The following FANCD2 variants were observed in gnomAD, a reference collection of about 807,000 sequenced individuals.
The protein encoded by FANCD2 is FA complementation group D2.
FANCD2 carries 131 observed loss-of-function variants against 192.3 expected under a neutral mutation model. The observed-to-expected ratio is 0.68, with a 90% CI of 0.59 to 0.79. The LOEUF is 0.79. Ranked by LOEUF, FANCD2 falls within the 30% of genes least tolerant of loss-of-function variation. FANCD2 has a pLI of 0.00. For missense variants in FANCD2, 1,508 were observed against 1,701.6 expected (o/e 0.89, Z 2.00); for synonymous variants, 524 against 612.5 (o/e 0.86, Z 2.13).
chr3:10,041,923 G>C (rs1366996973), intron 10 of FANCD2, among the ~76,000 whole-genome samples: 1 of 148,056 alleles, frequency 6.8e-6, no homozygotes, highest in Non-Finnish European at 1.5e-5. Flanking sequence ...TTTTGAGACG[G>C]AGTATCACTC....
At chr3:10,053,167 G>T (rs1485824584) in intron 18 of FANCD2, among the ~76,000 whole-genome samples, 1 of 128,462 alleles carries the variant, frequency 7.8e-6, no homozygotes, top group Non-Finnish European at 1.8e-5. Flanking sequence ...AGAAAATGTG[G>T]CACATATACA....
Position 10,101,323 on chromosome 3 carries a change from G to C in FANCD2, c.*61G>C. On this transcript the variant is annotated 3_prime_UTR_variant, in exon 44 of 44. Transcript: ENST00000675286. ...GCCAGCCTGTGATCATTTTGTGTTA[G>C]AGTTTGAAATCCGCTGTTTGCCTTT... The C allele has an allele frequency of 8.4e-7, 1 of 1,197,560 alleles. No individual in the cohort carries two copies. Among genetic ancestry groups the C allele is most frequent in the Non-Finnish European group, 1.2e-6 (1 of 815,644 alleles). 74.2% of individuals were successfully genotyped at this position (1,197,560 alleles called of 1,614,324 possible). A position where few individuals can be genotyped will look rare whatever the true frequency, so the allele number is the denominator to read the frequency against.
chr3:10,098,608 T>TGG (rs1695119441), intron 42 of FANCD2, 112 bp from the exon 43 acceptor site: 1 of 1,372,498 alleles, frequency 7.3e-7, no homozygotes, highest in Non-Finnish European at 1.0e-6. Flanking sequence ...TTTGCTGTGT[T>TGG]TTGAATGGCT....
At chr3:10,028,518 T>C (rs546681933) in intron 1 of FANCD2, 107 bp from the exon 2 acceptor site, 97 of 738,088 alleles carry the variant, frequency 1.3e-4, no homozygotes, top group Non-Finnish European at 2.0e-4. Context: ...AATATGGAGA[T>C]GTGAGCCCCT....
Position 10,041,615 on chromosome 3 carries a change from A to C in FANCD2, c.696-8A>C. Reference sequence around the variant, plus strand: ...TATACAACTTTTTTCTTTTTCTACCATTCACAGTGACCTACTGATAGAGAA... The same window carrying C: ...TATACAACTTTTTTCTTTTTCTACCCTTCACAGTGACCTACTGATAGAGAA... On this transcript the variant is annotated splice_region_variant and splice_polypyrimidine_tract_variant and intron_variant, in intron 9 of 43. Coordinates refer to ENST00000675286, the MANE Select transcript of FANCD2 (RefSeq NM_001018115.3). 1 of 1,603,986 alleles carries C rather than the reference A, an allele frequency of 6.2e-7. No homozygotes were observed. Among genetic ancestry groups the C allele is most frequent in the Middle Eastern group, 1.7e-4 (1 of 6,050 alleles).
chr3:10,088,643 G>A (rs1051232662), intron 35 of FANCD2, 101 bp downstream of exon 35: 7 of 1,093,718 alleles, frequency 6.4e-6, no homozygotes, highest in African/African-American at 1.5e-5. Context: ...GTGGGAATTT[G>A]AAAACAATGA....
rs1007123265 is a variant in FANCD2, at chr3:10,034,034, A to G, written c.206-435A>G. Among the ~76,000 whole-genome samples, 3 of 148,074 alleles carry G rather than the reference A, an allele frequency of 2.0e-5. No individual in the cohort carries two copies. In the East Asian group the frequency reaches 6.7e-4, roughly 33 times the overall value. ...TTTATGTGGGTTTAGACACAACCCC[A>G]TGACTCTGGGCTGGGCACAGTGGCT... is the stretch of plus-strand genomic sequence containing the variant. On this transcript the variant is annotated intron_variant, in intron 3 of 43. Transcript: ENST00000675286.
At chr3:10,090,213 CT>C (rs1008087065) in intron 36 of FANCD2, 78 bp from the exon 37 acceptor site, 18 of 1,031,052 alleles carry the variant, frequency 1.7e-5, no homozygotes, top group African/African-American at 1.1e-4. Flanking sequence ...AAGGAAGCTA[CT>C]TTTGGTTCCT....
At chr3:10,078,683 G>C (rs1693663661) in intron 30 of FANCD2, among the ~76,000 whole-genome samples, 1 of 151,616 alleles carries the variant, frequency 6.6e-6, no homozygotes, top group African/African-American at 2.4e-5. Flanking sequence ...AAGTCTGAAG[G>C]CTGGGCGTGG....
chr3:10,038,510 A>C (rs773206371), intron 7 of FANCD2, among the ~76,000 whole-genome samples: 1 of 151,940 alleles, frequency 6.6e-6, no homozygotes, highest in Non-Finnish European at 1.5e-5. Context: ...TTATTTATAA[A>C]TGATTTTTAG....
At chr3:10,067,104 A>C in intron 25 of FANCD2, 105 bp from the exon 26 acceptor site, 1 of 798,846 alleles carries the variant, frequency 1.3e-6, no homozygotes, top group Non-Finnish European at 2.1e-6. Flanking sequence ...GACTAAACTC[A>C]AAGATCTTGC....
At position 10,064,762 on chromosome 3, in the gene FANCD2, A is replaced by C. The variant is rs2125035070; in HGVS notation, c.2055A>C (p.Gly685=). Residue 685 remains glycine, a synonymous_variant, in exon 23 of 44, where the codon GGA becomes GGC. Coordinates refer to ENST00000675286, the MANE Select transcript of FANCD2 (RefSeq NM_001018115.3). ...CATTTCCTGTGAAAGCACTGTACGG[A>C]CTGGAAGAATACGACACTCAGGATG... The part of the protein sequence containing the change: ...DFPFPVKALY[G]LEEYDTQDGI... The C allele has an allele frequency of 1.9e-6, 3 of 1,614,116 alleles. No homozygotes were observed. Among genetic ancestry groups the C allele is most frequent in the Non-Finnish European group, 2.5e-6 (3 of 1,179,958 alleles).
In FANCD2 at chr3:10,043,534, T is replaced by A. The variant is rs1026012880; in HGVS notation, c.1040T>A (p.Phe347Tyr). The change falls in exon 13 of 44, where the codon TTT becomes TAT. Residue 347 changes from phenylalanine (F) to tyrosine (Y), a missense_variant. By Grantham distance (22) the Phe-to-Tyr change is conservative. Around this residue, in one of 5 missense-constraint regions of FANCD2, gnomAD observed 435 missense variants for 421.9 expected, o/e 1.03. Coordinates refer to ENST00000675286, the MANE Select transcript of FANCD2 (RefSeq NM_001018115.3). ...GGTCAGAGCTGTATTATTCTCCTCT[T>A]TGATGTAATAAAGTCAGCTATTAGA... ...SSGQSCIILL[F>Y]DVIKSAIRYE... The A allele has an allele frequency of 6.8e-6, 11 of 1,613,788 alleles. No individual in the cohort carries two copies. The highest frequency in any genetic ancestry group is 9.3e-6 in the Non-Finnish European group (11 of 1,179,832).
chr3:10,080,014 A>C (rs2125057624), intron 30 of FANCD2, among the ~76,000 whole-genome samples: 1 of 151,240 alleles, frequency 6.6e-6, no homozygotes, highest in East Asian at 1.9e-4. Context: ...TCCTGGGTTC[A>C]AGCGATTCTC....
intron 2 of FANCD2, among the ~76,000 whole-genome samples, chr3:10,031,910 G>A (rs965303968): frequency 1.3e-5 from 2 of 152,082 alleles, no homozygotes; most frequent in Admixed American, 6.5e-5. Flanking sequence ...GAAGTGGCGC[G>A]ATCTGGGCTC....
intron 18 of FANCD2, among the ~76,000 whole-genome samples, chr3:10,057,476 T>G (rs1257046773): frequency 6.6e-6 from 1 of 151,994 alleles, no homozygotes; most frequent in Non-Finnish European, 1.5e-5. Context: ...GTGATTCTCC[T>G]GCCTCAGCCT....
intron 18 of FANCD2, among the ~76,000 whole-genome samples, chr3:10,054,469 ATATATTTTTTTTTTT>A (rs1366322710): frequency 2.2e-4 from 5 of 22,442 alleles, no homozygotes; most frequent in South Asian, 2.8e-3. Flanking sequence ...ATATATATAT[ATATATTTTTTTTTTT>A]TTTTTTTTTT....
intron 43 of FANCD2, 38 bp downstream of exon 43, chr3:10,098,853 G>C (rs142378663): frequency 9.9e-6 from 16 of 1,614,074 alleles, no homozygotes; most frequent in African/African-American, 2.7e-5. Flanking sequence ...GGCACTGATG[G>C]TTGCATTTTG....
At chr3:10,083,184 A>G (rs1168654146) in intron 32 of FANCD2, among the ~76,000 whole-genome samples, 2 of 152,144 alleles carry the variant, frequency 1.3e-5, no homozygotes, top group Admixed American at 6.5e-5. Context: ...CCAAGATTGC[A>G]ACACTGCACT....
Sources: allele counts gnomAD v4.1 joint callset (sites outside exome capture counted in the v4.1 genomes callset), GRCh38; gene constraint gnomAD v4.1.1; regional missense constraint gnomAD v4.1.1; transcripts MANE v1.5; gene names NCBI Gene and HGNC (gene_info 2026-07-23, HGNC 2026-07-21).